Variants in SUPT3H observed in about 807,000 individuals in gnomAD.
SUPT3H encodes transcription initiation protein SPT3 homolog.
In SUPT3H, 44 loss-of-function variants were observed where a neutral mutation model predicts 44.3. The ratio of observed to expected loss-of-function variants is 0.99; its 90% CI spans 0.78 to 1.28. The LOEUF is 1.28. Ranked by LOEUF, SUPT3H falls within the 50% of genes most tolerant of loss-of-function variation. SUPT3H has a pLI of 0.00. For synonymous variants in SUPT3H, 124 were observed against 125.6 expected, an observed-to-expected ratio of 0.99 and a Z score of 0.09; for missense variants, 380 against 387.1, an observed-to-expected ratio of 0.98 and a Z score of 0.15.
chr6:45,122,626 C>A (rs1454748461), intron 2 of SUPT3H, among the ~76,000 whole-genome samples: 1 of 151,966 alleles, frequency 6.6e-6, no homozygotes, highest in African/African-American at 2.4e-5. Context: ...CCATATACAC[C>A]ATTAAAACAC....
intron 2 of SUPT3H, among the ~76,000 whole-genome samples, chr6:45,294,565 T>C (rs944013674): frequency 6.6e-6 from 1 of 151,882 alleles, no homozygotes; most frequent in African/African-American, 2.4e-5. Context: ...TATGATTGTT[T>C]ACCTAGAAAA....
intron 6 of SUPT3H, among the ~76,000 whole-genome samples, chr6:44,964,040 C>T (rs1470251962): frequency 6.6e-6 from 1 of 151,902 alleles, no homozygotes; most frequent in African/African-American, 2.4e-5. Context: ...AATAAACTCT[C>T]TAAGACTGAT....
chr6:45,117,828 G>C (rs923361082), intron 2 of SUPT3H, among the ~76,000 whole-genome samples: 7 of 152,100 alleles, frequency 4.6e-5, no homozygotes, highest in South Asian at 2.1e-4. Context: ...AAGGGCTTTC[G>C]CTTGAATCAG....
intron 10 of SUPT3H, among the ~76,000 whole-genome samples, chr6:44,897,405 A>G (rs1483267446): frequency 1.3e-5 from 2 of 152,196 alleles, no homozygotes; most frequent in Non-Finnish European, 2.9e-5. Context: ...TATGTTCAGC[A>G]GTTCTTGGCT....
chr6:45,242,734 A>G (rs1770600866), intron 2 of SUPT3H, among the ~76,000 whole-genome samples: 1 of 152,232 alleles, frequency 6.6e-6, no homozygotes, highest in Admixed American at 6.5e-5. Flanking sequence ...AAGGAAGATA[A>G]CAAAATCTAG....
chr6:45,125,977 A>T (rs927236202), intron 2 of SUPT3H, among the ~76,000 whole-genome samples: 3 of 152,148 alleles, frequency 2.0e-5, no homozygotes, highest in African/African-American at 7.2e-5. Context: ...ATTCACATAG[A>T]ATGTTGCCCA....
At chr6:45,318,098 C>T (rs1784965948) in intron 2 of SUPT3H, among the ~76,000 whole-genome samples, 1 of 152,052 alleles carries the variant, frequency 6.6e-6, no homozygotes, top group Admixed American at 6.5e-5. Flanking sequence ...TCAATTCCAA[C>T]TACATGACAT....
intron 2 of SUPT3H, among the ~76,000 whole-genome samples, chr6:45,174,003 C>A (rs75087821): frequency 0.014 from 2,150 of 152,276 alleles, 25 homozygotes; most frequent in Non-Finnish European, 0.023. Context: ...CTGTTTGTGG[C>A]CACAATGGTT....
chr6:44,865,523 G>C (rs1775360086), intron 10 of SUPT3H, among the ~76,000 whole-genome samples: 1 of 152,020 alleles, frequency 6.6e-6, no homozygotes, highest in Non-Finnish European at 1.5e-5. Context: ...TCACAAGCAT[G>C]GCAAAAGGTG....
chr6:45,283,590 T>C (rs991372492), intron 2 of SUPT3H, among the ~76,000 whole-genome samples: 1 of 151,446 alleles, frequency 6.6e-6, no homozygotes, highest in Admixed American at 6.6e-5. Flanking sequence ...ATAAAGCAAG[T>C]CCTCAGAGAC....
At chr6:45,119,225 GT>G (rs2153578240) in intron 2 of SUPT3H, among the ~76,000 whole-genome samples, 1 of 152,228 alleles carries the variant, frequency 6.6e-6, no homozygotes, top group Admixed American at 6.5e-5. Context: ...TCATAGTATA[GT>G]TACATAGTTG....
chr6:44,848,803 A>T (rs754706563), intron 10 of SUPT3H, among the ~76,000 whole-genome samples: 4 of 152,134 alleles, frequency 2.6e-5, no homozygotes, highest in Non-Finnish European at 4.4e-5. Context: ...AGGTTAAATG[A>T]TTTTTCTAAA....
chr6:44,849,438 G>A (rs561154120), intron 10 of SUPT3H, among the ~76,000 whole-genome samples: 3 of 151,300 alleles, frequency 2.0e-5, no homozygotes, highest in Non-Finnish European at 2.9e-5. Flanking sequence ...CATTTTAGCC[G>A]GGATGGTCTC....
At chr6:45,307,379 G>A (rs1019344468) in intron 2 of SUPT3H, among the ~76,000 whole-genome samples, 5 of 152,212 alleles carry the variant, frequency 3.3e-5, no homozygotes, top group Non-Finnish European at 7.3e-5. Flanking sequence ...AGTAGGGGCA[G>A]ACTGACACCT....
At chr6:44,812,332 A>G (rs1581794158) in intron 11 of SUPT3H, among the ~76,000 whole-genome samples, 1 of 152,272 alleles carries the variant, frequency 6.6e-6, no homozygotes, top group African/African-American at 2.4e-5. Context: ...AGCCGTCTGT[A>G]AGCTGGGGCC....
At chr6:44,928,996 C>A (rs992805980) in intron 10 of SUPT3H, among the ~76,000 whole-genome samples, 5 of 151,806 alleles carry the variant, frequency 3.3e-5, no homozygotes, top group Admixed American at 6.5e-5. Flanking sequence ...GTGTGTGTCT[C>A]CACAGCACAC....
chr6:45,265,228 A>G (rs1341227824), intron 2 of SUPT3H, among the ~76,000 whole-genome samples: 1 of 152,148 alleles, frequency 6.6e-6, no homozygotes, highest in African/African-American at 2.4e-5. Context: ...TTTTAATAAA[A>G]CCGTACTAAA....
chr6:45,293,207 G>A (rs539365712), intron 2 of SUPT3H, among the ~76,000 whole-genome samples: 3 of 152,142 alleles, frequency 2.0e-5, no homozygotes, highest in African/African-American at 4.8e-5. Flanking sequence ...GCAAATACAT[G>A]GAAATTAAAC....
chr6:45,042,046 G>A (rs1583214522), intron 3 of SUPT3H, among the ~76,000 whole-genome samples: 1 of 152,142 alleles, frequency 6.6e-6, no homozygotes, highest in Non-Finnish European at 1.5e-5. Context: ...AAAAAATACA[G>A]ATACAGTATG....
Sources: gnomAD v4.1 joint callset for allele counts (sites outside exome capture counted in the v4.1 genomes callset) on GRCh38, gnomAD v4.1.1 for gene constraint, MANE v1.5 for transcripts, NCBI Gene and HGNC (gene_info 2026-07-23, HGNC 2026-07-21) for gene names.